PAN3: variants seen among roughly 807,000 people sequenced by gnomAD.
The protein encoded by PAN3 is PAN2-PAN3 deadenylation complex subunit PAN3.
A neutral mutation model predicts 96.2 loss-of-function variants in PAN3; 19 were observed. The ratio of observed to expected loss-of-function variants is 0.20; its 90% confidence interval spans 0.14 to 0.29. The LOEUF is 0.29. Among genes scored for constraint, PAN3 ranks in the 10% least tolerant of loss-of-function variants. The pLI, the probability that PAN3 is intolerant of heterozygous loss-of-function variation, is 1.00. For missense variants in PAN3, 882 were observed against 1,108.1 expected, an observed-to-expected ratio of 0.80 and a Z score of 2.90; for synonymous variants, 433 against 406.6, an observed-to-expected ratio of 1.06 and a Z score of -0.78.
chr13:28,207,353 G>A (rs1431424027), intron 5 of PAN3, among the ~76,000 whole-genome samples: 3 of 152,066 alleles, frequency 2.0e-5, no homozygotes, highest in East Asian at 3.9e-4. Context: ...TTATATTGTG[G>A]TGTCTTAGCT....
At chr13:28,282,785 C>T (rs1315105750) in intron 17 of PAN3, among the ~76,000 whole-genome samples, 3 of 152,170 alleles carry the variant, frequency 2.0e-5, no homozygotes, top group Non-Finnish European at 4.4e-5. Flanking sequence ...CACGTGCTTA[C>T]ACTTTAGAAC....
intron 5 of PAN3, among the ~76,000 whole-genome samples, chr13:28,204,282 C>T (rs1423439316): frequency 2.6e-5 from 4 of 152,190 alleles, no homozygotes; most frequent in African/African-American, 7.2e-5. Flanking sequence ...TGGATGGTTA[C>T]CTGTCACTTT....
intron 1 of PAN3, among the ~76,000 whole-genome samples, chr13:28,141,542 A>G (rs112238439): frequency 0.01 from 1,366 of 131,136 alleles, 15 homozygotes; most frequent in African/African-American, 0.038. Flanking sequence ...ATCTCGGCTC[A>G]CCGCAACCTC....
chr13:28,141,478 T>G (rs1424582905), intron 1 of PAN3, among the ~76,000 whole-genome samples: 5 of 144,558 alleles, frequency 3.5e-5, no homozygotes, highest in Non-Finnish European at 1.5e-5. Context: ...TTTTTTTTTT[T>G]TTTTTTGAGA....
chr13:28,143,835 G>C (rs571779351), intron 1 of PAN3, among the ~76,000 whole-genome samples: 27 of 152,278 alleles, frequency 1.8e-4, no homozygotes, highest in Admixed American at 8.5e-4. Context: ...TGGATAACTT[G>C]AAGTTCAAAT....
chr13:28,150,128 A>G (rs895335075), intron 1 of PAN3, among the ~76,000 whole-genome samples: 4 of 152,136 alleles, frequency 2.6e-5, no homozygotes, highest in Non-Finnish European at 4.4e-5. Context: ...AGAAGGACAA[A>G]ATGGAATGAG....
chr13:28,219,534 C>A (rs1429125336), intron 5 of PAN3, among the ~76,000 whole-genome samples: 2 of 152,020 alleles, frequency 1.3e-5, no homozygotes, highest in Non-Finnish European at 2.9e-5. Context: ...CTCATATGTT[C>A]TAGTATTTCT....
rs756252668 is a variant in PAN3, at chr13:28,261,422, A to G, written c.1375A>G (p.Ile459Val). 1.2e-6 allele frequency: 2 copies of G among 1,610,178 alleles called. No homozygotes were observed. The highest frequency in any genetic ancestry group is 1.7e-6 in the Non-Finnish European group (2 of 1,177,868). ...ATAGGAGCTGATCAACAGACATTTAATAACAATGGCTCAAATTGATCAAGC... is the reference window on the plus strand; with the variant it reads ...ATAGGAGCTGATCAACAGACATTTAGTAACAATGGCTCAAATTGATCAAGC... Reference protein sequence around the residue: ...LRQELINRHLITMAQIDQADM... With the variant: ...LRQELINRHLVTMAQIDQADM... Residue 459 changes from isoleucine to valine, a missense_variant, in exon 9 of 19, where the codon ATA becomes GTA. Around this residue, in one of 3 missense-constraint regions of PAN3, gnomAD observed 364 missense variants for 513.6 expected, o/e 0.71. Coordinates refer to ENST00000380958, the MANE Select transcript of PAN3 (RefSeq NM_175854.8).
At chr13:28,207,763 C>G (rs1386907730) in intron 5 of PAN3, among the ~76,000 whole-genome samples, 1 of 152,164 alleles carries the variant, frequency 6.6e-6, no homozygotes, top group Non-Finnish European at 1.5e-5. Context: ...TATCAATATA[C>G]TGATCATGGC....
At chr13:28,154,754 C>T (rs556268435) in intron 1 of PAN3, among the ~76,000 whole-genome samples, 14 of 151,942 alleles carry the variant, frequency 9.2e-5, no homozygotes, top group African/African-American at 3.4e-4. Flanking sequence ...CTTTAGCCTC[C>T]CAAAGTGCTA....
chr13:28,250,380 T>TG (rs1185457487), intron 6 of PAN3, among the ~76,000 whole-genome samples: 1 of 152,098 alleles, frequency 6.6e-6, no homozygotes, highest in Non-Finnish European at 1.5e-5. Context: ...ATTTAATTTT[T>TG]TTTTGAGACG....
intron 5 of PAN3, among the ~76,000 whole-genome samples, chr13:28,198,277 G>A (rs1878302098): frequency 6.8e-6 from 1 of 147,826 alleles, no homozygotes; most frequent in Non-Finnish European, 1.5e-5. Flanking sequence ...GCAACAGAGC[G>A]AGATTCTGTC....
chr13:28,168,364 T>C (rs1429710034), intron 1 of PAN3, among the ~76,000 whole-genome samples: 2 of 152,186 alleles, frequency 1.3e-5, no homozygotes, highest in Non-Finnish European at 2.9e-5. Context: ...GCGTTTTTGG[T>C]TCCAGATTAG....
At chr13:28,214,328 A>G (rs899407326) in intron 5 of PAN3, among the ~76,000 whole-genome samples, 2 of 152,234 alleles carry the variant, frequency 1.3e-5, no homozygotes, top group African/African-American at 4.8e-5. Flanking sequence ...TAAATATCTA[A>G]TGGATGAAAG....
At chr13:28,253,031 A>G (rs1884865438) in intron 6 of PAN3, among the ~76,000 whole-genome samples, 1 of 152,194 alleles carries the variant, frequency 6.6e-6, no homozygotes, top group Admixed American at 6.5e-5. Context: ...GAAGAAGAAG[A>G]AACTTCTATT....
intron 9 of PAN3, among the ~76,000 whole-genome samples, chr13:28,262,402 G>A (rs1461962369): frequency 6.6e-6 from 1 of 152,192 alleles, no homozygotes; most frequent in Non-Finnish European, 1.5e-5. Flanking sequence ...ATGCCTGCTT[G>A]TAATCAGAAA....
intron 1 of PAN3, among the ~76,000 whole-genome samples, chr13:28,166,741 T>C (rs1002449829): frequency 2.6e-5 from 4 of 152,234 alleles, no homozygotes; most frequent in Non-Finnish European, 5.9e-5. Flanking sequence ...GTTAGCACCA[T>C]GTAGGCATCA....
chr13:28,274,320 T>C (rs1357249737), intron 14 of PAN3, among the ~76,000 whole-genome samples: 1 of 152,180 alleles, frequency 6.6e-6, no homozygotes, highest in Non-Finnish European at 1.5e-5. Flanking sequence ...AATTTTTCTT[T>C]ATGACCTTTA....
At chr13:28,210,952 T>A (rs1031041534) in intron 5 of PAN3, among the ~76,000 whole-genome samples, 1 of 152,158 alleles carries the variant, frequency 6.6e-6, no homozygotes, top group Admixed American at 6.5e-5. Context: ...TCATCCAGGC[T>A]GGAGGGTACT....
Sources: allele counts gnomAD v4.1 joint callset (sites outside exome capture counted in the v4.1 genomes callset), GRCh38; gene constraint gnomAD v4.1.1; regional missense constraint gnomAD v4.1.1; transcripts MANE v1.5; gene names NCBI Gene and HGNC (gene_info 2026-07-23, HGNC 2026-07-21).